The following TMEM127 variants were observed in gnomAD, a reference collection of about 807,000 sequenced individuals.
TMEM127 encodes the protein transmembrane protein 127.
Under a neutral mutation model 20.1 loss-of-function variants are expected in TMEM127, and 21 were observed. The ratio of observed to expected loss-of-function variants is 1.04; its 90% confidence interval spans 0.74 to 1.50. The LOEUF is 1.50. TMEM127 is among the 40% of genes most tolerant of loss of function. The pLI is 0.00. For synonymous variants in TMEM127, 150 were observed against 144.7 expected (o/e 1.04, Z -0.26); for missense variants, 303 against 317.4 (o/e 0.95, Z 0.34).
In TMEM127 at chr2:96,253,476, G is replaced by A. The variant is rs1684132975; in HGVS notation, c.*332C>T. On this transcript the variant is annotated 3_prime_UTR_variant, in exon 4 of 4. Coordinates refer to ENST00000258439, the MANE Select transcript of TMEM127 (RefSeq NM_017849.4). This position sits in a 1 kb window ranked among gnomAD's most constrained non-coding sequence, Gnocchi z 4.3. Reference sequence around the variant, plus strand: ...TTGTTTTTGGGACTGTCCGCTCTCAGCAGCTCTCCAAGGAAAGTCTCGGTC... The same window carrying A: ...TTGTTTTTGGGACTGTCCGCTCTCAACAGCTCTCCAAGGAAAGTCTCGGTC... The A allele has an allele frequency of 2.6e-6, 1 of 383,810 alleles. No homozygotes were observed. Among genetic ancestry groups the A allele is most frequent in the Admixed American group, 4.2e-5 (1 of 23,722 alleles). 23.8% of individuals were successfully genotyped at this position (383,810 alleles called of 1,614,324 possible).
chr2:96,259,192 G>A (rs1684267095), intron 2 of TMEM127, among the ~76,000 whole-genome samples: 1 of 152,190 alleles, frequency 6.6e-6, no homozygotes, highest in Admixed American at 6.5e-5. Context: ...ACCCCTCCTG[G>A]AACAGCCTGT....
intron 2 of TMEM127, among the ~76,000 whole-genome samples, chr2:96,258,240 T>G (rs1447763410): frequency 6.6e-6 from 1 of 152,140 alleles, no homozygotes; most frequent in Non-Finnish European, 1.5e-5. Flanking sequence ...GTAATCCCCA[T>G]GCAGGTGATC....
Position 96,248,835 on chromosome 2 carries a change from C to G in TMEM127, c.*4973G>C. Reference sequence around the variant, plus strand: ...AAGCCAGACGGACTCACAGCTGTCTCTGGAAAGTTCTTCGTTACCTGACTC... The same window carrying G: ...AAGCCAGACGGACTCACAGCTGTCTGTGGAAAGTTCTTCGTTACCTGACTC... On this transcript the variant is annotated 3_prime_UTR_variant, in exon 4 of 4. Coordinates refer to ENST00000258439, the MANE Select transcript of TMEM127 (RefSeq NM_017849.4). 4.3e-6 allele frequency: 1 copy of G among 232,416 alleles called. No individual in the cohort carries two copies. The highest frequency in any genetic ancestry group is 6.1e-5 in the East Asian group (1 of 16,498). 14.4% of individuals were successfully genotyped at this position (232,416 alleles called of 1,614,324 possible).
Position 96,265,243 on chromosome 2 carries a change from C to T in TMEM127, c.139G>A (p.Ala47Thr), listed in dbSNP as rs2104307805. 3 of 1,596,002 alleles carry T rather than the reference C, an allele frequency of 1.9e-6. No homozygotes were observed. The highest frequency in any genetic ancestry group is 1.7e-6 in the Non-Finnish European group (2 of 1,175,042). ...TGCAACCAGGCGGGCTCGGCGAGGGCAGTGCACAGCGCCGTGATAGACAGG... is the reference window on the plus strand; with the variant it reads ...TGCAACCAGGCGGGCTCGGCGAGGGTAGTGCACAGCGCCGTGATAGACAGG... ...GALSITALCT[A>T]LAEPAWLHIH... The change falls in exon 2 of 4, where the codon GCC (alanine) becomes ACC (threonine). Residue 47 changes from alanine to threonine, a missense_variant. By Grantham distance (58) the Ala-to-Thr change is moderately conservative. Coordinates refer to ENST00000258439, the MANE Select transcript of TMEM127 (RefSeq NM_017849.4).
At position 96,265,413 on chromosome 2, in the gene TMEM127, G is replaced by T; in HGVS notation, c.-32C>A. Reference sequence around the variant, plus strand: ...GGCCGCCCGCCGTCGCTCCGCAGTCGCTGCTGGTCGCCGCCGACCTCCGCG... The same window carrying T: ...GGCCGCCCGCCGTCGCTCCGCAGTCTCTGCTGGTCGCCGCCGACCTCCGCG... On this transcript the variant is annotated 5_prime_UTR_variant, in exon 2 of 4. Coordinates refer to ENST00000258439, the MANE Select transcript of TMEM127 (RefSeq NM_017849.4). 1 of 1,340,426 alleles carries T rather than the reference G, an allele frequency of 7.5e-7. No individual in the cohort carries two copies. The highest frequency in any genetic ancestry group is 9.5e-7 in the Non-Finnish European group (1 of 1,051,424). 83.0% of individuals were successfully genotyped at this position (1,340,426 alleles called of 1,614,324 possible). A position where few individuals can be genotyped will look rare whatever the true frequency, so the allele number is the denominator to read the frequency against.
rs772714957 is a variant in TMEM127, at chr2:96,254,112, A to C, written c.413T>G (p.Leu138Arg). ...RYAFAHILTV[L>R]QCATVIGFSY... ...AAAGCCAATGACGGTGGCACACTGC[A>C]GAACTAGGAGACAGAGGGACAGCAC... The change falls in exon 4 of 4, where the codon CTG (leucine) becomes CGG (arginine). Residue 138 changes from leucine to arginine, a missense_variant. Transcript: ENST00000258439. 6.2e-7 allele frequency: 1 copy of C among 1,613,876 alleles called. No homozygotes were observed. The highest frequency in any genetic ancestry group is 1.7e-5 in the Admixed American group (1 of 60,014).
In TMEM127 at chr2:96,249,315, C is replaced by A. The variant is rs887194525; in HGVS notation, c.*4493G>T. 1.4e-5 allele frequency: 3 copies of A among 207,648 alleles called. No homozygotes were observed. Among genetic ancestry groups the A allele is most frequent in the Non-Finnish European group, 2.9e-5 (3 of 101,752 alleles). The allele number at this position is 207,648 out of a possible 1,614,324, so 12.9% of individuals were successfully genotyped here. A position where few individuals can be genotyped will look rare whatever the true frequency, so the allele number is the denominator to read the frequency against. On this transcript the variant is annotated 3_prime_UTR_variant, in exon 4 of 4. Transcript: ENST00000258439. ...GTTTCACCATGTTGGCCAGAATGGT[C>A]TCGATCTCCTGACCTTGTGATCCAC...
At chr2:96,265,551 CGGGGCTGA>C in intron 1 of TMEM127, 39 bp from the exon 2 acceptor site, 1 of 831,700 alleles carries the variant, frequency 1.2e-6, no homozygotes, top group Non-Finnish European at 1.6e-6. Flanking sequence ...GGGTGGGACC[CGGGGCTGA>C]CGGAGACGGG....
intron 2 of TMEM127, 38 bp downstream of exon 2, chr2:96,265,100 C>A (rs1313911572): frequency 6.2e-7 from 1 of 1,610,494 alleles, no homozygotes; most frequent in Non-Finnish European, 8.5e-7. Context: ...ATTCTGTCCC[C>A]CACCGAGGCT....
chr2:96,258,230 G>A (rs1013969034), intron 2 of TMEM127, among the ~76,000 whole-genome samples: 8 of 152,186 alleles, frequency 5.3e-5, no homozygotes, highest in Non-Finnish European at 7.3e-5. Flanking sequence ...AGCAGCCCAG[G>A]TAATCCCCAT....
chr2:96,256,269 C>CA (rs149704966), intron 2 of TMEM127, among the ~76,000 whole-genome samples: 241 of 92,242 alleles, frequency 2.6e-3, no homozygotes, highest in South Asian at 7.9e-3. Context: ...GACTCTGTCT[C>CA]AAAAAAAAAA....
At chr2:96,254,777 G>A (rs1250982392) in intron 3 of TMEM127, 56 bp downstream of exon 3, 2 of 1,610,332 alleles carry the variant, frequency 1.2e-6, no homozygotes, top group Non-Finnish European at 1.7e-6. Context: ...AACTCAGACA[G>A]GATGCCCCCA....
intron 2 of TMEM127, among the ~76,000 whole-genome samples, chr2:96,261,686 G>A (rs140446224): frequency 2.6e-5 from 4 of 152,332 alleles, no homozygotes; most frequent in African/African-American, 9.6e-5. Context: ...CTAAGGTGTT[G>A]CAGTAAGAGT....
chr2:96,260,078 C>T (rs1025655578), intron 2 of TMEM127, among the ~76,000 whole-genome samples: 2 of 152,254 alleles, frequency 1.3e-5, no homozygotes, highest in African/African-American at 2.4e-5. Context: ...TTCCCCACTC[C>T]AAAGCTGTGA....
At chr2:96,259,743 G>T (rs1481027857) in intron 2 of TMEM127, among the ~76,000 whole-genome samples, 2 of 152,320 alleles carry the variant, frequency 1.3e-5, no homozygotes, top group East Asian at 3.9e-4. Context: ...GAGTGCGCTG[G>T]ACCTCTGTTC....
intron 2 of TMEM127, among the ~76,000 whole-genome samples, chr2:96,256,775 A>G (rs748322262): frequency 1.3e-5 from 2 of 152,144 alleles, no homozygotes; most frequent in Non-Finnish European, 2.9e-5. Flanking sequence ...CCTGAACTCT[A>G]CGAGAACAAA....
At chr2:96,265,657 G>C (rs1166368162) in intron 1 of TMEM127, 145 bp from the exon 2 acceptor site, 1 of 355,810 alleles carries the variant, frequency 2.8e-6, no homozygotes, top group East Asian at 4.4e-5. Context: ...GGGCCAGATG[G>C]GGTCTGGGCA....
intron 2 of TMEM127, among the ~76,000 whole-genome samples, chr2:96,255,264 C>T (rs1479828867): frequency 1.9e-4 from 29 of 152,232 alleles, no homozygotes; most frequent in Admixed American, 1.8e-3. Context: ...ACTGTGTATG[C>T]CATGCCCTTC....
At chr2:96,254,313 G>A (rs994911026) in intron 3 of TMEM127, among the ~76,000 whole-genome samples, 198 bp from the exon 4 acceptor site, 1 of 152,174 alleles carries the variant, frequency 6.6e-6, no homozygotes, top group African/African-American at 2.4e-5. Context: ...CCTGATCTAG[G>A]CCAGTCAGAT....
Sources: allele counts gnomAD v4.1 joint callset (sites outside exome capture counted in the v4.1 genomes callset), GRCh38; gene constraint gnomAD v4.1.1; non-coding constraint Gnocchi (gnomAD v3.1); transcripts MANE v1.5; gene names NCBI Gene and HGNC (gene_info 2026-07-23, HGNC 2026-07-21).